Variants in BCHE observed in about 807,000 individuals in gnomAD.
BCHE encodes the protein cholinesterase.
Under a neutral mutation model 51.3 loss-of-function variants are expected in BCHE, and 48 were observed. The ratio of observed to expected loss-of-function variants is 0.94; its 90% CI spans 0.74 to 1.19. BCHE has a LOEUF of 1.19. Ranked by LOEUF, BCHE falls within the 50% of genes most tolerant of loss-of-function variation. BCHE has a pLI of 0.00. For synonymous variants in BCHE, 251 were observed against 238.0 expected, an observed-to-expected ratio of 1.05 and a Z score of -0.50; for missense variants, 847 against 708.2, an observed-to-expected ratio of 1.20 and a Z score of -2.23.
At chr3:165,796,361 T>A (rs1020335213) in intron 2 of BCHE, among the ~76,000 whole-genome samples, 3 of 152,152 alleles carry the variant, frequency 2.0e-5, no homozygotes, top group Non-Finnish European at 2.9e-5. Context: ...AATGTAAAAC[T>A]GAATCCTGCA....
intron 3 of BCHE, among the ~76,000 whole-genome samples, chr3:165,783,729 ATAT>A (rs1316090100): frequency 3.3e-5 from 5 of 152,002 alleles, no homozygotes; most frequent in Non-Finnish European, 2.9e-5. Context: ...TAGTGAAAAA[ATAT>A]TATTATCCTT....
chr3:165,835,367 A>G (rs1024650002), intron 1 of BCHE, among the ~76,000 whole-genome samples: 7 of 151,874 alleles, frequency 4.6e-5, no homozygotes, highest in African/African-American at 1.7e-4. Context: ...AATAAGGGAC[A>G]AGCCAAGAAT....
At chr3:165,822,722 T>A (rs1714576442) in intron 2 of BCHE, among the ~76,000 whole-genome samples, 1 of 151,938 alleles carries the variant, frequency 6.6e-6, no homozygotes, top group Non-Finnish European at 1.5e-5. Context: ...TCTGCAAGAG[T>A]AGAAAGAAGC....
intron 2 of BCHE, among the ~76,000 whole-genome samples, chr3:165,812,450 G>A (rs1454727462): frequency 6.6e-6 from 1 of 151,714 alleles, no homozygotes; most frequent in Non-Finnish European, 1.5e-5. Flanking sequence ...GTTACACATA[G>A]GGAAACAATA....
intron 1 of BCHE, among the ~76,000 whole-genome samples, chr3:165,831,367 G>A (rs1394702762): frequency 6.6e-6 from 1 of 152,068 alleles, no homozygotes; most frequent in African/African-American, 2.4e-5. Flanking sequence ...TATATGTACA[G>A]CTCCACCAAA....
intron 2 of BCHE, among the ~76,000 whole-genome samples, chr3:165,811,453 G>T (rs1714090562): frequency 6.6e-6 from 1 of 151,744 alleles, no homozygotes; most frequent in South Asian, 2.1e-4. Flanking sequence ...TGGAATGAAA[G>T]AATGTGTGAT....
chr3:165,780,266 G>A (rs1223690566), intron 3 of BCHE, among the ~76,000 whole-genome samples: 1 of 152,028 alleles, frequency 6.6e-6, no homozygotes, highest in Non-Finnish European at 1.5e-5. Flanking sequence ...AACTCAAGAT[G>A]GATTAAAGAC....
chr3:165,796,839 A>G (rs962292447), intron 2 of BCHE, among the ~76,000 whole-genome samples: 1 of 152,200 alleles, frequency 6.6e-6, no homozygotes, highest in African/African-American at 2.4e-5. Context: ...ATCTTCAGTT[A>G]TTCATCAGCT....
intron 2 of BCHE, among the ~76,000 whole-genome samples, chr3:165,803,289 G>A (rs1027219718): frequency 6.6e-6 from 1 of 152,176 alleles, no homozygotes; most frequent in Non-Finnish European, 1.5e-5. Context: ...TGGTGAAAGA[G>A]AGAAAGATGA....
In BCHE at chr3:165,782,911, A is replaced by G. The variant is rs142945136; in HGVS notation, c.1684+3234T>C. On this transcript the variant is annotated intron_variant, in intron 3 of 3. Coordinates refer to ENST00000264381, the MANE Select transcript of BCHE (RefSeq NM_000055.4). ...TTTTAAACAGGCTTTTTCTCCATGAACTCATCACCTCCCGCAACGATTCAC... is the reference window on the plus strand; with the variant it reads ...TTTTAAACAGGCTTTTTCTCCATGAGCTCATCACCTCCCGCAACGATTCAC... Among the ~76,000 whole-genome samples the G allele has an allele frequency of 6.6e-5, 10 of 151,982 alleles. No individual in the cohort carries two copies. In the East Asian group the frequency reaches 1.6e-3, roughly 24 times the overall value.
At chr3:165,836,212 A>C (rs1455757395) in intron 1 of BCHE, among the ~76,000 whole-genome samples, 2 of 152,114 alleles carry the variant, frequency 1.3e-5, no homozygotes, top group East Asian at 3.9e-4. Context: ...GGCATCCAAA[A>C]GACTACTTTA....
intron 2 of BCHE, among the ~76,000 whole-genome samples, chr3:165,791,861 T>C (rs1205174521): frequency 6.6e-6 from 1 of 152,068 alleles, no homozygotes; most frequent in Non-Finnish European, 1.5e-5. Flanking sequence ...GGCAGGAGAA[T>C]GGCTTGAACC....
At chr3:165,789,877 G>A (rs1300672981) in intron 2 of BCHE, among the ~76,000 whole-genome samples, 2 of 152,068 alleles carry the variant, frequency 1.3e-5, no homozygotes, top group East Asian at 1.9e-4. Flanking sequence ...GGTATTATTT[G>A]AGTGGTAAGA....
chr3:165,804,273 C>T (rs895614134), intron 2 of BCHE, among the ~76,000 whole-genome samples: 7 of 151,780 alleles, frequency 4.6e-5, no homozygotes, highest in African/African-American at 1.7e-4. Context: ...TAAAAGTGGG[C>T]AATTGGTAGA....
chr3:165,785,040 A>G (rs539809324), intron 3 of BCHE, among the ~76,000 whole-genome samples: 1 of 151,840 alleles, frequency 6.6e-6, no homozygotes, highest in African/African-American at 2.4e-5. Context: ...GAGCACTGGT[A>G]TATCAGAAAC....
At chr3:165,810,067 CTAAG>C (rs1433082063) in intron 2 of BCHE, among the ~76,000 whole-genome samples, 1 of 152,036 alleles carries the variant, frequency 6.6e-6, no homozygotes, top group Non-Finnish European at 1.5e-5. Flanking sequence ...GTCATGCTTA[CTAAG>C]TGACAGACAG....
intron 2 of BCHE, among the ~76,000 whole-genome samples, chr3:165,810,322 C>A (rs1291534246): frequency 6.6e-6 from 1 of 151,996 alleles, no homozygotes; most frequent in Non-Finnish European, 1.5e-5. Flanking sequence ...CCATATTATC[C>A]CTCCTAGGAA....
intron 2 of BCHE, among the ~76,000 whole-genome samples, chr3:165,799,818 T>A (rs1465581099): frequency 6.6e-6 from 1 of 152,082 alleles, no homozygotes; most frequent in Non-Finnish European, 1.5e-5. Context: ...ACCAAAATAA[T>A]TTCAAATCTA....
chr3:165,783,419 GA>G (rs1432320692), intron 3 of BCHE, among the ~76,000 whole-genome samples: 1 of 152,032 alleles, frequency 6.6e-6, no homozygotes, highest in Non-Finnish European at 1.5e-5. Flanking sequence ...TTTTAATGAG[GA>G]ATTGATAATT....
Sources: allele counts gnomAD v4.1 joint callset (sites outside exome capture counted in the v4.1 genomes callset), GRCh38; gene constraint gnomAD v4.1.1; transcripts MANE v1.5; gene names NCBI Gene and HGNC (gene_info 2026-07-23, HGNC 2026-07-21).